Variants in SLC12A2 observed in about 807,000 individuals in gnomAD.
SLC12A2 encodes the protein Na-K-2Cl cotransporter 1.
In SLC12A2, 67 loss-of-function variants were observed where a neutral mutation model predicts 136.3. The ratio of observed to expected loss-of-function variants is 0.49; its 90% CI spans 0.40 to 0.60. The LOEUF (loss-of-function observed/expected upper bound fraction) is 0.60, where lower values mean the gene tolerates loss of function less well. Ranked by LOEUF, SLC12A2 falls within the 20% of genes least tolerant of loss-of-function variation. The probability of loss-of-function intolerance (pLI) is 0.00; values close to 1 mark genes in which losing one functional copy is unlikely to be tolerated. For synonymous variants in SLC12A2, 619 were observed against 562.9 expected (o/e 1.10, Z -1.41); for missense variants, 1,322 against 1,534.7 (o/e 0.86, Z 2.32).
At chr5:128,096,627 G>T (rs548220602) in intron 1 of SLC12A2, among the ~76,000 whole-genome samples, 1 of 152,142 alleles carries the variant, frequency 6.6e-6, no homozygotes, top group South Asian at 2.1e-4. Flanking sequence ...TTTTAAAAGA[G>T]AAATGTTTTC....
chr5:128,151,221 T>C lies in SLC12A2; in HGVS notation c.2108-20T>C, dbSNP rs1408357720. 6 of 1,592,580 alleles carry C rather than the reference T, an allele frequency of 3.8e-6. No individual in the cohort carries two copies. The African/African-American group carries it at 5.4e-5, about 14-fold the overall frequency. ...GCAGATGAGGTATTTGTGTGACTTT[T>C]ATTTATTTGTTATTGTTAGGATGGC... On this transcript the variant is annotated intron_variant, in intron 13 of 26. Transcript: ENST00000262461.
At position 128,189,081 on chromosome 5, in the gene SLC12A2, T is replaced by C. The variant is rs1025207419; in HGVS notation, c.*2450T>C. ...GTGGGTAATACTGTCTGTGAAATAATGTAAGAAGCTTTTCACTTAAAAAAA... is the reference window on the plus strand; with the variant it reads ...GTGGGTAATACTGTCTGTGAAATAACGTAAGAAGCTTTTCACTTAAAAAAA... On this transcript the variant is annotated 3_prime_UTR_variant, in exon 27 of 27. Transcript: ENST00000262461. 2.6e-5 allele frequency: 4 copies of C among 152,390 alleles called. No homozygotes were observed. The highest frequency in any genetic ancestry group is 9.7e-5 in the African/African-American group (4 of 41,418). 9.4% of individuals were successfully genotyped at this position (152,390 alleles called of 1,614,324 possible).
chr5:128,131,035 C>T (rs1447587309), intron 4 of SLC12A2, 32 bp from the exon 5 acceptor site: 2 of 1,603,500 alleles, frequency 1.2e-6, no homozygotes, highest in Non-Finnish European at 1.7e-6. Context: ...AACTTTAGTA[C>T]CTGTTTTTTT....
At position 128,184,352 on chromosome 5, in the gene SLC12A2, T is replaced by G; in HGVS notation, c.3300-14T>G. 6.9e-7 allele frequency: 1 copy of G among 1,454,800 alleles called. No individual in the cohort carries two copies. 90.1% of individuals were successfully genotyped at this position (1,454,800 alleles called of 1,614,324 possible). ...AATAAGATTAGTTGTCAGTATTCTT[T>G]CTGTTTTTTAAAGTATTATAGCTTT... On this transcript the variant is annotated splice_polypyrimidine_tract_variant and intron_variant, in intron 24 of 26. Coordinates refer to ENST00000262461, the MANE Select transcript of SLC12A2 (RefSeq NM_001046.3).
chr5:128,155,013 C>G (rs1762830408), intron 15 of SLC12A2, among the ~76,000 whole-genome samples: 2 of 151,694 alleles, frequency 1.3e-5, no homozygotes, highest in African/African-American at 4.8e-5. Flanking sequence ...CATCACTACT[C>G]TTGTGCTTTG....
chr5:128,183,652 G>T (rs189759345), intron 24 of SLC12A2, among the ~76,000 whole-genome samples: 1 of 151,634 alleles, frequency 6.6e-6, no homozygotes, highest in South Asian at 2.1e-4. Context: ...AATTAATTTT[G>T]CATTTCCTTA....
intron 20 of SLC12A2, among the ~76,000 whole-genome samples, chr5:128,176,120 C>T (rs1033878986): frequency 1.3e-5 from 2 of 151,996 alleles, no homozygotes; most frequent in Non-Finnish European, 2.9e-5. Context: ...CTGTGTCTAT[C>T]TTGGTTATTG....
chr5:128,120,547 A>C (rs1164969153), intron 4 of SLC12A2, among the ~76,000 whole-genome samples: 1 of 151,324 alleles, frequency 6.6e-6, no homozygotes, highest in South Asian at 2.1e-4. Context: ...TGATGAGTTC[A>C]TGTCCTTTGT....
chr5:128,092,935 T>A (rs1581049941), intron 1 of SLC12A2, among the ~76,000 whole-genome samples: 1 of 152,320 alleles, frequency 6.6e-6, no homozygotes, highest in Admixed American at 6.5e-5. Context: ...ATATTTTATT[T>A]AACTCTCATT....
chr5:128,086,085 A>G (rs887450086), intron 1 of SLC12A2, among the ~76,000 whole-genome samples: 1 of 152,190 alleles, frequency 6.6e-6, no homozygotes, highest in African/African-American at 2.4e-5. Flanking sequence ...GGACAGTTTT[A>G]CTAATGAAAA....
chr5:128,169,715 C>T (rs1435925390), intron 18 of SLC12A2: 1 of 152,066 alleles, frequency 6.6e-6, no homozygotes, highest in East Asian at 1.9e-4. Context: ...CTTTTTCCCT[C>T]TCAAGACCTA....
At chr5:128,131,295 T>A in intron 5 of SLC12A2, 89 bp downstream of exon 5, 2 of 1,275,690 alleles carry the variant, frequency 1.6e-6, no homozygotes, top group Non-Finnish European at 2.3e-6. Flanking sequence ...GGGAAAGCAG[T>A]GATATGATGA....
At position 128,181,099 on chromosome 5, in the gene SLC12A2, T is replaced by C. The variant is rs1049372726; in HGVS notation, c.3212+105T>C. 4 of 789,386 alleles carry C rather than the reference T, an allele frequency of 5.1e-6. No individual in the cohort carries two copies. In the African/African-American group the frequency reaches 5.2e-5, roughly 10 times the overall value. 48.9% of individuals were successfully genotyped at this position (789,386 alleles called of 1,614,324 possible). A position where few individuals can be genotyped will look rare whatever the true frequency, so the allele number is the denominator to read the frequency against. On this transcript the variant is annotated intron_variant, in intron 23 of 26. Transcript: ENST00000262461. ...GACAATCCAGAAAATGTCTATTATCTTGCTTTGTTCTTTACTGAAGTTAAA... is the reference window on the plus strand; with the variant it reads ...GACAATCCAGAAAATGTCTATTATCCTGCTTTGTTCTTTACTGAAGTTAAA...
chr5:128,167,699 C>A (rs74607154), intron 17 of SLC12A2, 62 bp from the exon 18 acceptor site: 2 of 1,210,922 alleles, frequency 1.7e-6, no homozygotes, highest in Non-Finnish European at 2.4e-6. Flanking sequence ...AGTTTTATCA[C>A]TTCAGAAAAC....
At chr5:128,129,077 T>C (rs1351686465) in intron 4 of SLC12A2, among the ~76,000 whole-genome samples, 3 of 152,128 alleles carry the variant, frequency 2.0e-5, no homozygotes, top group African/African-American at 7.2e-5. Flanking sequence ...AATTTCTTGC[T>C]TTAATAGGTC....
intron 10 of SLC12A2, 98 bp downstream of exon 10, chr5:128,142,079 G>A: frequency 1.0e-6 from 1 of 1,000,032 alleles, no homozygotes; most frequent in Non-Finnish European, 1.5e-6. Flanking sequence ...TAACATAGAA[G>A]GGAGGACAGT....
chr5:128,102,502 G>T (rs974885556), intron 1 of SLC12A2, among the ~76,000 whole-genome samples: 1 of 140,246 alleles, frequency 7.1e-6, no homozygotes, highest in African/African-American at 2.7e-5. Context: ...AAATGGAATC[G>T]TATAGCATAT....
intron 1 of SLC12A2, among the ~76,000 whole-genome samples, chr5:128,091,182 G>T (rs1009440042): frequency 2.0e-5 from 3 of 152,120 alleles, no homozygotes; most frequent in African/African-American, 7.2e-5. Flanking sequence ...GAATTGTTGG[G>T]ATTTGCTGAT....
Position 128,112,997 on chromosome 5 carries a change from C to T in SLC12A2, c.876+64C>T, listed in dbSNP as rs543362457. ...TCTGTTGGTTATAAAATCTTCCTAA[C>T]GTTCTCATCAGTTCTCAAGAGAACT... On this transcript the variant is annotated intron_variant, in intron 2 of 26. Transcript: ENST00000262461. The T allele has an allele frequency of 3.1e-5, 44 of 1,400,436 alleles. No homozygotes were observed. The East Asian group carries it at 5.6e-4, about 18-fold the overall frequency. 86.8% of individuals were successfully genotyped at this position (1,400,436 alleles called of 1,614,324 possible). A position where few individuals can be genotyped will look rare whatever the true frequency, so the allele number is the denominator to read the frequency against.
Sources: gnomAD v4.1 joint callset for allele counts (sites outside exome capture counted in the v4.1 genomes callset) on GRCh38, gnomAD v4.1.1 for gene constraint, MANE v1.5 for transcripts, NCBI Gene and HGNC (gene_info 2026-07-23, HGNC 2026-07-21) for gene names.